ARK2N: variants seen among roughly 807,000 people sequenced by gnomAD.
ARK2N encodes the protein protein ARK2N.
the ARK2N span, among the ~76,000 whole-genome samples, chr18:46,203,389 T>G: frequency 6.6e-6 from 1 of 151,990 alleles, no homozygotes; most frequent in South Asian, 2.1e-4. Context: ...GACACGAAAA[T>G]AAAAGAACAG....
chr18:46,236,214 T>G, the ARK2N span, among the ~76,000 whole-genome samples: 1 of 152,218 alleles, frequency 6.6e-6, no homozygotes, highest in South Asian at 2.1e-4. Context: ...GGTTTTGCTG[T>G]GTTGCCCAGG....
the ARK2N span, among the ~76,000 whole-genome samples, chr18:46,190,541 A>G: frequency 1.3e-5 from 2 of 152,006 alleles, no homozygotes; most frequent in Non-Finnish European, 2.9e-5. Flanking sequence ...ACCTGCAAAT[A>G]TGTGGTAAAA....
chr18:46,242,995 G>C, the ARK2N span, among the ~76,000 whole-genome samples: 7 of 152,258 alleles, frequency 4.6e-5, no homozygotes, highest in South Asian at 1.0e-3. Context: ...TAAATTTTGT[G>C]TAGGTTTCTG....
chr18:46,216,325 A>G, the ARK2N span: 1 of 1,613,948 alleles, frequency 6.2e-7, no homozygotes, highest in Non-Finnish European at 8.5e-7. This position sits in a 1 kb window ranked among gnomAD's most constrained non-coding sequence, Gnocchi z 4.3. Context: ...TGAAAGTGAA[A>G]CTTCCACTAT....
chr18:46,216,147 C>A, the ARK2N span: 1 of 1,614,010 alleles, frequency 6.2e-7, no homozygotes, highest in Non-Finnish European at 8.5e-7. This position sits in a 1 kb window ranked among gnomAD's most constrained non-coding sequence, Gnocchi z 4.3. Flanking sequence ...AGAGTGACTC[C>A]TCTAATCACT....
the ARK2N span, among the ~76,000 whole-genome samples, chr18:46,256,147 C>T: frequency 6.6e-6 from 1 of 152,156 alleles, no homozygotes; most frequent in Non-Finnish European, 1.5e-5. Flanking sequence ...ATTCATTCAC[C>T]AACTTCCTTT....
chr18:46,259,243 C>CTTTTTT, the ARK2N span, among the ~76,000 whole-genome samples: 1 of 136,660 alleles, frequency 7.3e-6, no homozygotes, highest in Non-Finnish European at 1.6e-5. Context: ...TTCTTTCTTT[C>CTTTTTT]TTTTTTTTTT....
At chr18:46,257,776 G>T in the ARK2N span, among the ~76,000 whole-genome samples, 1 of 152,026 alleles carries the variant, frequency 6.6e-6, no homozygotes, top group East Asian at 1.9e-4. Flanking sequence ...ATGGAACCGT[G>T]TTGGAACAGT....
At chr18:46,256,418 T>TTA in the ARK2N span, among the ~76,000 whole-genome samples, 25 of 151,466 alleles carry the variant, frequency 1.7e-4, no homozygotes, top group African/African-American at 4.1e-4. Flanking sequence ...CTTCTTTTTT[T>TTA]AAAAAAAAAT....
At chr18:46,221,403 A>G in the ARK2N span, among the ~76,000 whole-genome samples, 4 of 150,926 alleles carry the variant, frequency 2.7e-5, no homozygotes, top group African/African-American at 4.9e-5. Context: ...AAAAAAAAAA[A>G]AGAAAAATTA....
the ARK2N span, chr18:46,239,936 CT>C: frequency 6.9e-7 from 1 of 1,445,166 alleles, no homozygotes; most frequent in South Asian, 1.2e-5. Flanking sequence ...TTAGAGGGCT[CT>C]TACTAGTTTC....
At chr18:46,215,751 A>G in the ARK2N span, 2 of 839,188 alleles carry the variant, frequency 2.4e-6, no homozygotes. Context: ...AAAGGTAGGC[A>G]TGTTGTGTTG....
the ARK2N span, among the ~76,000 whole-genome samples, chr18:46,206,427 C>T: frequency 6.6e-6 from 1 of 152,096 alleles, no homozygotes; most frequent in South Asian, 2.1e-4. Flanking sequence ...ACCTGTAGTC[C>T]CCCAAAGAGT....
the ARK2N span, among the ~76,000 whole-genome samples, chr18:46,200,979 C>CTTT: frequency 1.8e-5 from 2 of 112,860 alleles, no homozygotes; most frequent in Admixed American, 9.7e-5. Flanking sequence ...TTTCTTTTTT[C>CTTT]TTTTTTTTTT....
the ARK2N span, among the ~76,000 whole-genome samples, chr18:46,212,328 T>G: frequency 6.6e-6 from 1 of 152,238 alleles, no homozygotes; most frequent in Non-Finnish European, 1.5e-5. Context: ...TGTCTTCTCC[T>G]GTTCCCTTAT....
chr18:46,240,107 A>G, the ARK2N span: 2 of 1,614,092 alleles, frequency 1.2e-6, no homozygotes, highest in East Asian at 4.5e-5. Flanking sequence ...GTTCAAGAGC[A>G]CAGTAATTCT....
chr18:46,245,079 G>A, the ARK2N span, among the ~76,000 whole-genome samples: 1 of 151,882 alleles, frequency 6.6e-6, no homozygotes, highest in Admixed American at 6.6e-5. Flanking sequence ...ACAGGTACCC[G>A]TCACCACGCC....
chr18:46,241,647 C>T, the ARK2N span, among the ~76,000 whole-genome samples: 2 of 151,180 alleles, frequency 1.3e-5, no homozygotes, highest in East Asian at 4.0e-4. Context: ...ATTGCTTGAA[C>T]CTGGGAGGCA....
At chr18:46,175,980 CTT>C in the ARK2N span, among the ~76,000 whole-genome samples, 1 of 152,134 alleles carries the variant, frequency 6.6e-6, no homozygotes, top group African/African-American at 2.4e-5. Flanking sequence ...TCATAATACT[CTT>C]TGTTTTATGG....
Sources: allele counts gnomAD v4.1 joint callset (sites outside exome capture counted in the v4.1 genomes callset), GRCh38; gene constraint gnomAD v4.1.1; non-coding constraint Gnocchi (gnomAD v3.1); transcripts MANE v1.5; gene names NCBI Gene and HGNC (gene_info 2026-07-23, HGNC 2026-07-21).